Variants in ZNF717 observed in about 807,000 individuals in gnomAD.
ZNF717 encodes zinc finger protein 717.
A neutral mutation model predicts 13.8 loss-of-function variants in ZNF717; 9 were observed. That is an observed-to-expected ratio of 0.65 (90% CI 0.39 to 1.14). The LOEUF (loss-of-function observed/expected upper bound fraction) is 1.14, where lower values mean the gene tolerates loss of function less well. Ranked by LOEUF, ZNF717 falls within the 50% of genes most tolerant of loss-of-function variation. The pLI is 0.01. For missense variants in ZNF717, 1,040 were observed against 1,080.7 expected (o/e 0.96, Z 0.53); for synonymous variants, 327 against 364.1 (o/e 0.90, Z 1.16).
At chr3:75,747,627 G>A (rs2107316547) in intron 2 of ZNF717, among the ~76,000 whole-genome samples, 1 of 152,216 alleles carries the variant, frequency 6.6e-6, no homozygotes, top group East Asian at 1.9e-4. Flanking sequence ...AAGCAAATTT[G>A]AATGGGAGTT....
At chr3:75,766,663 A>C (rs1293243856) in intron 2 of ZNF717, among the ~76,000 whole-genome samples, 2 of 152,274 alleles carry the variant, frequency 1.3e-5, no homozygotes, top group Non-Finnish European at 2.9e-5. Flanking sequence ...GAAAATACAG[A>C]TCTAAATGAC....
Position 75,773,997 on chromosome 3 carries a change from C to G in ZNF717, c.57+9309G>C, listed in dbSNP as rs532391857. Among the ~76,000 whole-genome samples the G allele has an allele frequency of 4.6e-5, 7 of 152,188 alleles. No homozygotes were observed. In the East Asian group the frequency reaches 1.4e-3, roughly 29 times the overall value. On this transcript the variant is annotated intron_variant, in intron 2 of 4. Coordinates refer to ENST00000652011, the MANE Select transcript of ZNF717 (RefSeq NM_001290208.3). ...CCAGGAGGCAGGGGGTTGCAGTGAACCAAGATCACACCATTGCACTCCAGC... is the reference window on the plus strand; with the variant it reads ...CCAGGAGGCAGGGGGTTGCAGTGAAGCAAGATCACACCATTGCACTCCAGC...
At chr3:75,773,343 A>T (rs1944043497) in intron 2 of ZNF717, among the ~76,000 whole-genome samples, 2 of 152,242 alleles carry the variant, frequency 1.3e-5, no homozygotes, top group Non-Finnish European at 2.9e-5. Flanking sequence ...GTCTTACAGA[A>T]ACGGCAAAAT....
intron 2 of ZNF717, among the ~76,000 whole-genome samples, chr3:75,774,774 C>A (rs185245386): frequency 1.8e-3 from 275 of 151,944 alleles, no homozygotes; most frequent in African/African-American, 6.0e-3. Context: ...GTGCCCACCA[C>A]CACGCCTGGC....
In ZNF717 at chr3:75,774,610, GTTTTTTTTTTTTT is replaced by G. The variant is rs537149833; in HGVS notation, c.57+8683_57+8695del. The stretch of plus-strand genomic sequence containing the variant: ...GTATAGAATTTCTAAAATTCTTGTG[GTTTTTTTTTTTTT>G]TTTTTTTTTTTTTCTGAGACAGAGT... On this transcript the variant is annotated intron_variant, in intron 2 of 4. Transcript: ENST00000652011. 5.0e-5 allele frequency among the ~76,000 whole-genome samples: 4 copies of G among 80,216 alleles called. No individual in the cohort carries two copies. The Admixed American group carries it at 5.3e-4, about 11-fold the overall frequency. 52.6% of individuals were successfully genotyped at this position (80,216 alleles called of 152,430 possible).
Position 75,741,330 on chromosome 3 carries a change from C to G in ZNF717, c.223G>C (p.Glu75Gln). 1 of 1,549,698 alleles carries G rather than the reference C, an allele frequency of 6.5e-7. No individual in the cohort carries two copies. Among genetic ancestry groups the G allele is most frequent in the Non-Finnish European group, 8.7e-7 (1 of 1,145,198 alleles). Residue 75 changes from glutamate to glutamine, a missense_variant, in exon 4 of 5, where the codon GAG becomes CAG. Glu to Gln is a conservative substitution (Grantham distance 29). Around this residue, in one of 3 missense-constraint regions of ZNF717, gnomAD observed 123 missense variants for 177.8 expected, o/e 0.69. Transcript: ENST00000652011. ...ACTATCCATGGCTCTGCTCCTTGCT[C>G]TAGCTTGAAGATCATCTCAGGTTTG... is the stretch of plus-strand genomic sequence containing the variant. ...ITKPEMIFKL[E>Q]QGAEPWIVEE...
At chr3:75,719,809 T>A (rs1364557324) in intron 4 of ZNF717, among the ~76,000 whole-genome samples, 4 of 151,890 alleles carry the variant, frequency 2.6e-5, no homozygotes, top group East Asian at 3.9e-4. Context: ...ATACAAAAAA[T>A]TTGCTGGGCA....
At chr3:75,765,804 T>C (rs1446110813) in intron 2 of ZNF717, among the ~76,000 whole-genome samples, 3 of 152,142 alleles carry the variant, frequency 2.0e-5, no homozygotes, top group African/African-American at 4.8e-5. Flanking sequence ...AAAGAATATA[T>C]AGAAGATCAA....
chr3:75,737,026 C>T lies in ZNF717; in HGVS notation c.2597G>A (p.Gly866Glu). 6 of 1,602,538 alleles carry T rather than the reference C, an allele frequency of 3.7e-6. No individual in the cohort carries two copies. The highest frequency in any genetic ancestry group is 2.7e-5 in the African/African-American group (2 of 74,578). Reference protein sequence around the residue: ...GLSIHQRTHTGEKPYECKECG... With the variant: ...GLSIHQRTHTEEKPYECKECG... ...TTCCTTACATTCATAAGGTTTTTCT[C>T]CTGTGTGTGTTCTCTGATGTATACT... The change falls in exon 5 of 5, where the codon GGA (glycine) becomes GAA (glutamate). Residue 866 changes from glycine (G) to glutamate (E), a missense_variant. Physicochemically the swap from Gly to Glu is moderately conservative, Grantham distance 98. Around this residue, in one of 3 missense-constraint regions of ZNF717, gnomAD observed 44 missense variants for 70.1 expected, o/e 0.63. Coordinates refer to ENST00000652011, the MANE Select transcript of ZNF717 (RefSeq NM_001290208.3).
downstream of ZNF717, among the ~76,000 whole-genome samples, chr3:75,733,840 G>A (rs1157529693): frequency 2.2e-5 from 3 of 133,734 alleles, no homozygotes; most frequent in Non-Finnish European, 4.7e-5. Flanking sequence ...TAAAAAGAGA[G>A]TGGAATGACA....
chr3:75,738,426 T>C lies in ZNF717; in HGVS notation c.1197A>G (p.Glu399=), dbSNP rs1298464249. 4 of 1,531,736 alleles carry C rather than the reference T, an allele frequency of 2.6e-6. No homozygotes were observed. The highest frequency in any genetic ancestry group is 3.5e-6 in the Non-Finnish European group (4 of 1,133,030). The allele number at this position is 1,531,736 out of a possible 1,614,324, so 94.9% of individuals were successfully genotyped here. The change falls in exon 5 of 5, where the codon GAA becomes GAG. Residue 399 remains glutamate (E), a synonymous_variant. Transcript: ENST00000652011. ...HSGEKPYQCS[E]CGKTFSQKSY... ...ACTTCTGGCTAAAGGTTTTTCCACA[T>C]TCACTACACTGATAGGGCTTTTCCC...
intron 6 of ZNF717, among the ~76,000 whole-genome samples, chr3:75,699,347 G>A (rs1193597308): frequency 1.7e-4 from 26 of 151,984 alleles, no homozygotes; most frequent in African/African-American, 5.8e-4. Flanking sequence ...ATGGCCAGGG[G>A]CAAAATGATA....
In ZNF717 at chr3:75,749,913, G is replaced by T. The variant is rs368282264; in HGVS notation, c.58-8177C>A. The stretch of plus-strand genomic sequence containing the variant: ...ATAGGATTCCAGAACACTGCTGTTG[G>T]GTTCTGAGGGTTTGTCCCTCACATA... On this transcript the variant is annotated intron_variant, in intron 2 of 4. Coordinates refer to ENST00000652011, the MANE Select transcript of ZNF717 (RefSeq NM_001290208.3). Among the ~76,000 whole-genome samples the T allele has an allele frequency of 3.3e-3, 496 of 149,378 alleles. 3 individuals are homozygous for T. The highest frequency in any genetic ancestry group is 0.012 in the African/African-American group (484 of 40,214).
downstream of ZNF717, among the ~76,000 whole-genome samples, chr3:75,728,572 G>A (rs1938346790): frequency 6.8e-6 from 1 of 147,902 alleles, no homozygotes; most frequent in Non-Finnish European, 1.5e-5. Flanking sequence ...CATGGGGGCA[G>A]TTTCCTCTAT....
At chr3:75,702,122 T>C (rs1575711437) in intron 6 of ZNF717, among the ~76,000 whole-genome samples, 2 of 152,410 alleles carry the variant, frequency 1.3e-5, no homozygotes, top group South Asian at 2.1e-4. Context: ...GCTCAGTATA[T>C]GCCTAAAAGA....
intron 2 of ZNF717, among the ~76,000 whole-genome samples, chr3:75,782,821 C>T (rs1209552220): frequency 6.6e-6 from 1 of 152,154 alleles, no homozygotes; most frequent in Non-Finnish European, 1.5e-5. Flanking sequence ...ATTTCCACTG[C>T]ACAACACGCC....
chr3:75,782,418 TGTTTGG>T (rs1348383520), intron 2 of ZNF717, among the ~76,000 whole-genome samples: 1 of 152,192 alleles, frequency 6.6e-6, no homozygotes, highest in African/African-American at 2.4e-5. Context: ...TCCCAAAAGC[TGTTTGG>T]GACCACACTC....
At position 75,741,593 on chromosome 3, in the gene ZNF717, T is replaced by G. The variant is rs1940446688; in HGVS notation, c.184+17A>C. ...AACAAAATACAATCCTGGGAGTTAC[T>G]GGCAAGTTTCACTCACCCAATGATA... On this transcript the variant is annotated intron_variant, in intron 3 of 4. Coordinates refer to ENST00000652011, the MANE Select transcript of ZNF717 (RefSeq NM_001290208.3). 2 of 1,594,226 alleles carry G rather than the reference T, an allele frequency of 1.3e-6. No individual in the cohort carries two copies. The highest frequency in any genetic ancestry group is 1.7e-6 in the Non-Finnish European group (2 of 1,170,086).
chr3:75,765,369 G>A (rs1452941035), intron 2 of ZNF717, among the ~76,000 whole-genome samples: 1 of 152,058 alleles, frequency 6.6e-6, no homozygotes, highest in East Asian at 1.9e-4. Flanking sequence ...TAAATTTTAA[G>A]GTATGTGTTT....
Sources: gnomAD v4.1 joint callset for allele counts (sites outside exome capture counted in the v4.1 genomes callset) on GRCh38, gnomAD v4.1.1 for gene constraint, gnomAD v4.1.1 regional missense constraint, MANE v1.5 for transcripts, NCBI Gene and HGNC (gene_info 2026-07-23, HGNC 2026-07-21) for gene names.